MIB1: variants seen among roughly 807,000 people sequenced by gnomAD.
MIB1 encodes the protein MIB E3 ubiquitin protein ligase 1.
In MIB1, 278 loss-of-function variants were observed where a neutral mutation model predicts 124.5. That is an observed-to-expected ratio of 2.23 (90% CI 2.02 to 2.47). The LOEUF (loss-of-function observed/expected upper bound fraction) is 2.47. Among genes scored for constraint, MIB1 ranks in the 30% most tolerant of loss-of-function variants. MIB1 has a pLI of 0.00. For missense variants in MIB1, 957 were observed against 1,254.4 expected (o/e 0.76, Z 3.58); for synonymous variants, 446 against 429.4 (o/e 1.04, Z -0.48).
At chr18:21,805,488 T>G (rs1335887637) in intron 10 of MIB1, among the ~76,000 whole-genome samples, 1 of 152,212 alleles carries the variant, frequency 6.6e-6, no homozygotes, top group African/African-American at 2.4e-5. Flanking sequence ...AAGTTTTGTT[T>G]TGGTAATTAA....
chr18:21,832,600 C>T (rs560317514), intron 12 of MIB1, among the ~76,000 whole-genome samples: 3 of 152,258 alleles, frequency 2.0e-5, no homozygotes, highest in Admixed American at 6.5e-5. Flanking sequence ...AATATGTCCT[C>T]TTAAGAAACA....
Position 21,864,528 on chromosome 18 carries a change from A to G in MIB1, c.2883A>G (p.Thr961=), listed in dbSNP as rs2042305108. Residue 961 remains threonine, a splice_region_variant and synonymous_variant, in exon 21 of 21, where the codon ACA becomes ACG. Coordinates refer to ENST00000261537, the MANE Select transcript of MIB1 (RefSeq NM_020774.4). ...QQQLQDIKEQ[T]MCPVCLDRLK... ...TACTTTGTTATCTCACATTACAGAC[A>G]ATGTGCCCTGTGTGTCTAGATCGTC... The G allele has an allele frequency of 6.2e-7, 1 of 1,611,286 alleles. No individual in the cohort carries two copies. The highest frequency in any genetic ancestry group is 8.5e-7 in the Non-Finnish European group (1 of 1,177,766).
chr18:21,803,512 C>T (rs1040764326), intron 9 of MIB1, among the ~76,000 whole-genome samples: 1 of 152,130 alleles, frequency 6.6e-6, no homozygotes, highest in East Asian at 1.9e-4. Flanking sequence ...ATTTATTTAT[C>T]CCTAGCAGCT....
chr18:21,720,954 G>A (rs1297870579), intron 1 of MIB1, among the ~76,000 whole-genome samples: 1 of 151,866 alleles, frequency 6.6e-6, no homozygotes, highest in African/African-American at 2.4e-5. Context: ...AAAGTGAGAA[G>A]CCATTATCTT....
In MIB1 at chr18:21,709,971, T is replaced by G. The variant is rs993880174; in HGVS notation, n.167+4848T>G. Among the ~76,000 whole-genome samples, 3 of 152,218 alleles carry G rather than the reference T, an allele frequency of 2.0e-5. No individual in the cohort carries two copies. In the East Asian group the frequency reaches 5.8e-4, roughly 29 times the overall value. ...GGGGTTTGAACCAAAGACTGGGTGG[T>G]TCCAAAACCTGTTTTGGGAATTACA... is the stretch of plus-strand genomic sequence containing the variant. On this transcript the variant is annotated intron_variant and non_coding_transcript_variant, in intron 1 of 20. Coordinates refer to the MIB1 transcript ENST00000578646.
chr18:21,779,861 CGTGTGT>C lies in MIB1; in HGVS notation c.908+201_908+206del, dbSNP rs67233506. On this transcript the variant is annotated intron_variant, in intron 6 of 20. Coordinates refer to ENST00000261537, the MANE Select transcript of MIB1 (RefSeq NM_020774.4). ...GGAGAGAAACAAATGATAAGAATTACGTGTGTGTGTGTGTGTGTGTGTGTGTGTGTC... is the reference window on the plus strand; with the variant it reads ...GGAGAGAAACAAATGATAAGAATTACGTGTGTGTGTGTGTGTGTGTGTGTC... Among the ~76,000 whole-genome samples, 7,428 of 148,530 alleles carry C rather than the reference CGTGTGT, an allele frequency of 0.05. 267 individuals carry two copies. The highest frequency in any genetic ancestry group is 0.097 in the African/African-American group (3,937 of 40,640).
At chr18:21,860,652 C>G (rs1433095017) in intron 20 of MIB1, among the ~76,000 whole-genome samples, 1 of 152,172 alleles carries the variant, frequency 6.6e-6, no homozygotes, top group African/African-American at 2.4e-5. Context: ...AGAATCATCA[C>G]TCCTGTGTTT....
At chr18:21,854,012 T>TAAAA (rs56276526) in intron 18 of MIB1, among the ~76,000 whole-genome samples, 5 of 55,096 alleles carry the variant, frequency 9.1e-5, no homozygotes, top group South Asian at 1.0e-3. Context: ...GACTCAGTCT[T>TAAAA]AAAAAAAAAA....
chr18:21,723,735 C>T (rs779945121), intron 1 of MIB1, among the ~76,000 whole-genome samples: 1 of 152,098 alleles, frequency 6.6e-6, no homozygotes, highest in Non-Finnish European at 1.5e-5. Flanking sequence ...AGGCTGGTCT[C>T]GAACCCCTGA....
chr18:21,846,954 G>A lies in MIB1; in HGVS notation c.2222G>A (p.Gly741Glu). Residue 741 changes from glycine to glutamate, a missense_variant, in exon 16 of 21, where the codon GGA becomes GAA. Physicochemically the swap from Gly to Glu is moderately conservative, Grantham distance 98 (BLOSUM62 -2). Coordinates refer to ENST00000261537, the MANE Select transcript of MIB1 (RefSeq NM_020774.4). ...WEPSKNTLIM[G>E]LGTQGAEKKS... ...TTTATTTTATTGCAGTTAATAATGG[G>A]ACTTGGTACCCAGGGGGCAGAGAAG... 6.2e-7 allele frequency: 1 copy of A among 1,613,460 alleles called. No homozygotes were observed. Among genetic ancestry groups the A allele is most frequent in the Non-Finnish European group, 8.5e-7 (1 of 1,179,732 alleles).
At chr18:21,857,318 A>G in intron 19 of MIB1, 75 bp downstream of exon 19, 1 of 854,184 alleles carries the variant, frequency 1.2e-6, no homozygotes, top group South Asian at 1.4e-5. Context: ...TCTCTTTCGT[A>G]ATACACTACT....
intron 12 of MIB1, among the ~76,000 whole-genome samples, chr18:21,823,038 A>G (rs559361160): frequency 1.3e-5 from 2 of 152,220 alleles, no homozygotes; most frequent in African/African-American, 4.8e-5. Context: ...GTTTGAGACC[A>G]GCCTGGCCAA....
chr18:21,741,457 C>A lies in MIB1; in HGVS notation c.-127C>A, dbSNP rs910745217. On this transcript the variant is annotated 5_prime_UTR_variant, in exon 1 of 21. Coordinates refer to ENST00000261537, the MANE Select transcript of MIB1 (RefSeq NM_020774.4). The surrounding 1 kb of genome is among the most constrained non-coding windows in gnomAD (Gnocchi z 5.4). ...CCGCCCCCGTGAGTTATTCTCACGT[C>A]CCCCGGGGCTCGCTGCCGCCCCCGC... is the stretch of plus-strand genomic sequence containing the variant. 8.7e-6 allele frequency: 4 copies of A among 457,422 alleles called. No homozygotes were observed. Among genetic ancestry groups the A allele is most frequent in the South Asian group, 1.1e-4 (1 of 9,226 alleles). 28.3% of individuals were successfully genotyped at this position (457,422 alleles called of 1,614,324 possible).
rs577671534 is a variant in MIB1, at chr18:21,786,343, C to T, written c.909-5031C>T. ...CAATCTCCTGACCTTGTGATCCGCC[C>T]GCCTCGGCCTCCCAAAGTGCTGGGA... On this transcript the variant is annotated intron_variant, in intron 6 of 20. Coordinates refer to ENST00000261537, the MANE Select transcript of MIB1 (RefSeq NM_020774.4). Among the ~76,000 whole-genome samples, 71 of 152,264 alleles carry T rather than the reference C, an allele frequency of 4.7e-4. 1 individual carries two copies. The South Asian group carries it at 0.015, about 32-fold the overall frequency.
intron 1 of MIB1, among the ~76,000 whole-genome samples, chr18:21,757,180 G>A (rs571761814): frequency 6.6e-6 from 1 of 151,862 alleles, no homozygotes; most frequent in South Asian, 2.1e-4. Flanking sequence ...TAGGCCATGC[G>A]GTGGCTCACG....
intron 11 of MIB1, chr18:21,817,474 T>C (rs976441465): frequency 5.9e-6 from 1 of 169,746 alleles, no homozygotes; most frequent in Non-Finnish European, 1.3e-5. Context: ...TAGCAAACAT[T>C]TTCTATATTG....
intron 1 of MIB1, among the ~76,000 whole-genome samples, chr18:21,716,384 TC>T (rs2040689762): frequency 6.6e-6 from 1 of 151,954 alleles, no homozygotes; most frequent in South Asian, 2.1e-4. Flanking sequence ...TTGAAACAAA[TC>T]CTGGAAACAC....
chr18:21,732,863 GA>G (rs1449347878), intron 1 of MIB1, among the ~76,000 whole-genome samples: 1 of 152,202 alleles, frequency 6.6e-6, no homozygotes, highest in East Asian at 1.9e-4. Flanking sequence ...TTGTGGTGGA[GA>G]AGAACTCTCT....
At chr18:21,729,234 A>T (rs2040756771) in intron 1 of MIB1, among the ~76,000 whole-genome samples, 1 of 152,210 alleles carries the variant, frequency 6.6e-6, no homozygotes, top group African/African-American at 2.4e-5. Context: ...CCCTCAACAA[A>T]TCTGGGCTTG....
Sources: allele counts gnomAD v4.1 joint callset (sites outside exome capture counted in the v4.1 genomes callset), GRCh38; gene constraint gnomAD v4.1.1; non-coding constraint Gnocchi (gnomAD v3.1); transcripts MANE v1.5; gene names NCBI Gene and HGNC (gene_info 2026-07-23, HGNC 2026-07-21).